The following OXR1 variants were observed in gnomAD, a reference collection of about 807,000 sequenced individuals.
The protein encoded by OXR1 is oxidation resistance 1.
In OXR1, 41 loss-of-function variants were observed where a neutral mutation model predicts 104.6. The observed-to-expected ratio is 0.39, with a 90% confidence interval of 0.31 to 0.51. The LOEUF is 0.51. Ranked by LOEUF, OXR1 falls within the 20% of genes least tolerant of loss-of-function variation. The pLI is 0.77. For missense variants in OXR1, 955 were observed against 1,031.9 expected (o/e 0.93, Z 1.02); for synonymous variants, 348 against 348.4 (o/e 1.00, Z 0.01).
At chr8:106,674,591 A>G (rs940861941) in intron 3 of OXR1, among the ~76,000 whole-genome samples, 30 of 152,084 alleles carry the variant, frequency 2.0e-4, no homozygotes, top group African/African-American at 7.2e-4. Context: ...AAGGGACATG[A>G]AATTTGGGAG....
intron 2 of OXR1, among the ~76,000 whole-genome samples, chr8:106,436,132 A>T (rs1024977637): frequency 5.3e-5 from 8 of 152,122 alleles, no homozygotes; most frequent in Admixed American, 3.9e-4. Flanking sequence ...AATTAGAGCT[A>T]GTAATTATTG....
At chr8:106,711,105 T>A (rs764536340) in intron 10 of OXR1, among the ~76,000 whole-genome samples, 1 of 152,136 alleles carries the variant, frequency 6.6e-6, no homozygotes, top group African/African-American at 2.4e-5. Context: ...CAGCTAATGG[T>A]GTATAATTCC....
At chr8:106,650,011 T>G (rs532755905) in intron 3 of OXR1, among the ~76,000 whole-genome samples, 2 of 152,260 alleles carry the variant, frequency 1.3e-5, no homozygotes, top group Non-Finnish European at 2.9e-5. Context: ...TATTTTTTAA[T>G]TATATACACT....
chr8:106,467,259 A>G (rs1263236391), intron 2 of OXR1, among the ~76,000 whole-genome samples: 1 of 151,952 alleles, frequency 6.6e-6, no homozygotes, highest in Non-Finnish European at 1.5e-5. Flanking sequence ...TATCATGTTC[A>G]TGAAGAGTGG....
intron 2 of OXR1, among the ~76,000 whole-genome samples, chr8:106,418,704 C>A (rs866591894): frequency 2.0e-5 from 3 of 152,030 alleles, no homozygotes; most frequent in Non-Finnish European, 2.9e-5. Flanking sequence ...AATGAGACTG[C>A]AAAATAGCAG....
chr8:106,416,696 G>C (rs1260054791), intron 2 of OXR1, among the ~76,000 whole-genome samples: 4 of 152,036 alleles, frequency 2.6e-5, no homozygotes, highest in Admixed American at 2.6e-4. Flanking sequence ...TCATGGGAAA[G>C]ATCCAGTGAG....
At chr8:106,392,960 C>T (rs902450423) in intron 2 of OXR1, among the ~76,000 whole-genome samples, 1 of 152,142 alleles carries the variant, frequency 6.6e-6, no homozygotes, top group African/African-American at 2.4e-5. Context: ...ATTACCCAAG[C>T]TCCTTTTAGA....
At chr8:106,729,884 A>G (rs973021124) in intron 11 of OXR1, 1 of 152,160 alleles carries the variant, frequency 6.6e-6, no homozygotes, top group African/African-American at 2.4e-5. Context: ...CATATATCTT[A>G]TGTATGCAAG....
intron 3 of OXR1, among the ~76,000 whole-genome samples, chr8:106,566,670 C>T (rs773106520): frequency 6.6e-6 from 1 of 152,138 alleles, no homozygotes; most frequent in Non-Finnish European, 1.5e-5. Flanking sequence ...CACATGCACA[C>T]GCATGTTTAT....
intron 2 of OXR1, among the ~76,000 whole-genome samples, chr8:106,465,903 C>T (rs915741479): frequency 6.6e-6 from 1 of 151,890 alleles, no homozygotes; most frequent in Non-Finnish European, 1.5e-5. Context: ...ATGAACTAGC[C>T]GTATGATGTA....
chr8:106,307,524 C>T (rs1438996475), intron 1 of OXR1, among the ~76,000 whole-genome samples: 3 of 152,094 alleles, frequency 2.0e-5, no homozygotes, highest in African/African-American at 2.4e-5. Context: ...CTTAACTCTT[C>T]GGTTCCCATA....
rs182806040 is a variant in OXR1 at position 106,512,171 on chromosome 8, G to A, written c.24-6772G>A. On this transcript the variant is annotated intron_variant, in intron 2 of 16. Coordinates refer to ENST00000517566, the MANE Select transcript of OXR1 (RefSeq NM_001198533.2). ...GATGAGAAAATGGAGGCAAGGAAAG[G>A]TTAAGAAAATTGCCCAATTGCCCAA... Among the ~76,000 whole-genome samples the A allele has an allele frequency of 4.6e-5, 7 of 152,208 alleles. No individual in the cohort carries two copies. The East Asian group carries it at 1.2e-3, about 25-fold the overall frequency.
At chr8:106,705,864 A>C (rs1831097666) in intron 8 of OXR1, among the ~76,000 whole-genome samples, 1 of 152,066 alleles carries the variant, frequency 6.6e-6, no homozygotes, top group Non-Finnish European at 1.5e-5. Flanking sequence ...AGTTTTATTC[A>C]GATTGGTTTT....
At chr8:106,712,230 A>T (rs1019537362) in intron 10 of OXR1, among the ~76,000 whole-genome samples, 9 of 152,072 alleles carry the variant, frequency 5.9e-5, no homozygotes, top group African/African-American at 2.2e-4. Flanking sequence ...ATTTTTAGTG[A>T]TCATCAGTGG....
intron 2 of OXR1, among the ~76,000 whole-genome samples, chr8:106,492,833 A>C (rs1191429279): frequency 6.6e-6 from 1 of 152,216 alleles, no homozygotes; most frequent in Non-Finnish European, 1.5e-5. Flanking sequence ...AATTGTGTTA[A>C]GACTTCAACG....
At chr8:106,708,455 T>C (rs1831364919) in intron 9 of OXR1, among the ~76,000 whole-genome samples, 3 of 152,102 alleles carry the variant, frequency 2.0e-5, no homozygotes, top group African/African-American at 7.2e-5. Flanking sequence ...TCCTCATAGC[T>C]TTTGGCAACC....
chr8:106,653,202 C>T (rs1421106873), intron 3 of OXR1, among the ~76,000 whole-genome samples: 1 of 151,292 alleles, frequency 6.6e-6, no homozygotes, highest in Non-Finnish European at 1.5e-5. Flanking sequence ...TGATTAGTAA[C>T]AATCCTTCAG....
chr8:106,560,987 A>G (rs1278204615), intron 3 of OXR1, among the ~76,000 whole-genome samples: 1 of 151,830 alleles, frequency 6.6e-6, no homozygotes, highest in African/African-American at 2.4e-5. Flanking sequence ...CCCAGATACT[A>G]TGCTTTTCCC....
At chr8:106,740,196 T>G (rs555760133) in intron 13 of OXR1, 147 bp from the exon 14 acceptor site, 56 of 571,220 alleles carry the variant, frequency 9.8e-5, no homozygotes, top group Non-Finnish European at 1.5e-4. Flanking sequence ...TTCAATCATC[T>G]TAGTATCTTT....
Sources: gnomAD v4.1 joint callset for allele counts (sites outside exome capture counted in the v4.1 genomes callset) on GRCh38, gnomAD v4.1.1 for gene constraint, MANE v1.5 for transcripts, NCBI Gene and HGNC (gene_info 2026-07-23, HGNC 2026-07-21) for gene names.